KLF12: variants seen among roughly 807,000 people sequenced by gnomAD.
KLF12 encodes Krueppel-like factor 12.
Under a neutral mutation model 37.8 loss-of-function variants are expected in KLF12, and 9 were observed. That is an observed-to-expected ratio of 0.24 (90% CI 0.14 to 0.42). The LOEUF is 0.42. Among genes scored for constraint, KLF12 ranks in the 10% least tolerant of loss-of-function variants. The pLI is 1.00. For missense variants in KLF12, 411 were observed against 516.0 expected (o/e 0.80, Z 1.97); for synonymous variants, 208 against 202.1 (o/e 1.03, Z -0.25).
chr13:73,909,547 C>G (rs968265044), intron 3 of KLF12, among the ~76,000 whole-genome samples: 31 of 152,298 alleles, frequency 2.0e-4, no homozygotes, highest in African/African-American at 7.5e-4. Flanking sequence ...CCCTCACCAT[C>G]CTGGCCACAT....
At chr13:74,092,368 GAA>G in intron 1 of KLF12, among the ~76,000 whole-genome samples, 1 of 150,082 alleles carries the variant, frequency 6.7e-6, no homozygotes. Context: ...TCAAGAAAAT[GAA>G]AGTCACATTT....
chr13:73,748,417 C>T (rs1037864263), intron 6 of KLF12, among the ~76,000 whole-genome samples: 1 of 152,044 alleles, frequency 6.6e-6, no homozygotes, highest in Non-Finnish European at 1.5e-5. Context: ...GGAGATGGGG[C>T]CTTTGGGGAT....
chr13:74,252,683 C>G, the KLF12 span, among the ~76,000 whole-genome samples: 2 of 152,284 alleles, frequency 1.3e-5, no homozygotes, highest in East Asian at 1.9e-4. Context: ...TTATATAAGG[C>G]AAATTCTGCC....
At chr13:73,953,498 T>G (rs1053238855) in intron 2 of KLF12, among the ~76,000 whole-genome samples, 2 of 152,186 alleles carry the variant, frequency 1.3e-5, no homozygotes, top group Non-Finnish European at 2.9e-5. Context: ...TTTCCCTTTA[T>G]GAAAAGTTGT....
At position 73,813,365 on chromosome 13, in the gene KLF12, T is replaced by C. The variant is rs1486413216; in HGVS notation, c.671-78A>G. 34 of 1,488,024 alleles carry C rather than the reference T, an allele frequency of 2.3e-5. No homozygotes were observed. In the South Asian group the frequency reaches 2.6e-4, roughly 11 times the overall value. 92.2% of individuals were successfully genotyped at this position (1,488,024 alleles called of 1,614,324 possible). A position where few individuals can be genotyped will look rare whatever the true frequency, so the allele number is the denominator to read the frequency against. ...CCTTGTCCTGGACCAACATCAAGTA[T>C]GGAACTTCTGTGCATATCATGCAAA... On this transcript the variant is annotated intron_variant, in intron 4 of 7. Transcript: ENST00000377669.
At chr13:74,191,528 G>T in the KLF12 span, among the ~76,000 whole-genome samples, 1 of 152,150 alleles carries the variant, frequency 6.6e-6, no homozygotes, top group South Asian at 2.1e-4. Context: ...CTGCCTCCTA[G>T]GTTAATGAGA....
At chr13:74,104,508 C>G (rs1198311957) in intron 1 of KLF12, among the ~76,000 whole-genome samples, 1 of 152,180 alleles carries the variant, frequency 6.6e-6, no homozygotes, top group African/African-American at 2.4e-5. Flanking sequence ...TGTGACTGTT[C>G]ACTGTATTTT....
At chr13:74,228,072 AT>A in the KLF12 span, among the ~76,000 whole-genome samples, 1 of 152,094 alleles carries the variant, frequency 6.6e-6, no homozygotes, top group African/African-American at 2.4e-5. Flanking sequence ...ATAAGATGTT[AT>A]TTCTGCGAAA....
intron 2 of KLF12, among the ~76,000 whole-genome samples, chr13:73,987,269 A>T (rs956743670): frequency 3.9e-5 from 6 of 152,176 alleles, no homozygotes; most frequent in Admixed American, 3.3e-4. Context: ...CATCAGCTTA[A>T]GAGAAGGGAA....
the KLF12 span, among the ~76,000 whole-genome samples, chr13:74,237,558 T>C: frequency 1.3e-5 from 2 of 149,020 alleles, no homozygotes; most frequent in South Asian, 4.2e-4. Context: ...ATGATATTGA[T>C]TCTTCCTACC....
At chr13:74,008,392 C>T (rs1228633274) in intron 1 of KLF12, among the ~76,000 whole-genome samples, 1 of 152,186 alleles carries the variant, frequency 6.6e-6, no homozygotes, top group Non-Finnish European at 1.5e-5. Flanking sequence ...TTCCATCCAT[C>T]TCATAAAGTC....
chr13:74,238,859 C>A, the KLF12 span, among the ~76,000 whole-genome samples: 1 of 152,090 alleles, frequency 6.6e-6, no homozygotes, highest in East Asian at 1.9e-4. Flanking sequence ...TGCTAGCGGT[C>A]TGTCAATTTT....
the KLF12 span, among the ~76,000 whole-genome samples, chr13:74,302,958 TC>T: frequency 6.6e-6 from 1 of 152,114 alleles, no homozygotes; most frequent in Non-Finnish European, 1.5e-5. Context: ...CTCCTTTAAC[TC>T]ATTTTTTTAA....
the KLF12 span, among the ~76,000 whole-genome samples, chr13:74,264,216 T>A: frequency 3.9e-5 from 6 of 151,954 alleles, no homozygotes; most frequent in South Asian, 4.2e-4. Context: ...ACTAACTGGG[T>A]GTGTGAGGGG....
chr13:74,094,603 C>CTT (rs112013862), intron 1 of KLF12, among the ~76,000 whole-genome samples: 1 of 142,898 alleles, frequency 7.0e-6, no homozygotes, highest in Non-Finnish European at 1.5e-5. Flanking sequence ...TCTATCTTTT[C>CTT]TTTTTTTTTT....
chr13:73,826,743 G>A (rs1485617707), intron 4 of KLF12, among the ~76,000 whole-genome samples: 2 of 149,566 alleles, frequency 1.3e-5, no homozygotes, highest in African/African-American at 2.5e-5. Flanking sequence ...TTTTAAAATG[G>A]CATATAACAA....
chr13:74,161,155 GT>G, the KLF12 span, among the ~76,000 whole-genome samples: 1 of 151,754 alleles, frequency 6.6e-6, no homozygotes, highest in Non-Finnish European at 1.5e-5. Context: ...TTTGAGAAAG[GT>G]GGTTTAGTTA....
chr13:74,022,477 C>T (rs1203240775), intron 1 of KLF12, among the ~76,000 whole-genome samples: 1 of 151,990 alleles, frequency 6.6e-6, no homozygotes, highest in Non-Finnish European at 1.5e-5. Flanking sequence ...TGCCACATGG[C>T]ATTTTTCAAA....
chr13:74,263,481 T>A, the KLF12 span, among the ~76,000 whole-genome samples: 1 of 152,204 alleles, frequency 6.6e-6, no homozygotes, highest in East Asian at 1.9e-4. Context: ...CAGCTCACGT[T>A]TGACACTCAA....
Sources: allele counts gnomAD v4.1 joint callset (sites outside exome capture counted in the v4.1 genomes callset), GRCh38; gene constraint gnomAD v4.1.1; transcripts MANE v1.5; gene names NCBI Gene and HGNC (gene_info 2026-07-23, HGNC 2026-07-21).